The following PLEKHA7 variants were observed in gnomAD, a reference collection of about 807,000 sequenced individuals.
PLEKHA7 encodes pleckstrin homology domain-containing family A member 7.
PLEKHA7 carries 104 observed loss-of-function variants against 170.0 expected under a neutral mutation model. The ratio of observed to expected loss-of-function variants is 0.61; its 90% confidence interval spans 0.52 to 0.72. The LOEUF (loss-of-function observed/expected upper bound fraction) is 0.72. Ranked by LOEUF, PLEKHA7 falls within the 30% of genes least tolerant of loss-of-function variation. The pLI, the probability that PLEKHA7 is intolerant of heterozygous loss-of-function variation, is 0.00. For missense variants in PLEKHA7, 1,615 were observed against 1,671.7 expected, an observed-to-expected ratio of 0.97 and a Z score of 0.59; for synonymous variants, 648 against 660.8, an observed-to-expected ratio of 0.98 and a Z score of 0.30.
At chr11:16,879,126 GGA>G (rs952821757) in intron 3 of PLEKHA7, among the ~76,000 whole-genome samples, 4 of 152,174 alleles carry the variant, frequency 2.6e-5, no homozygotes, top group African/African-American at 9.7e-5. Context: ...GCGTGAACTG[GGA>G]GAGTGTTTTG....
intron 26 of PLEKHA7, among the ~76,000 whole-genome samples, chr11:16,779,493 C>T (rs1023644115): frequency 6.6e-6 from 1 of 152,218 alleles, no homozygotes; most frequent in Admixed American, 6.5e-5. Flanking sequence ...AACAGAACCT[C>T]TCTCCTGCCT....
intron 9 of PLEKHA7, among the ~76,000 whole-genome samples, chr11:16,835,964 G>A (rs571689586): frequency 4.6e-5 from 7 of 152,278 alleles, no homozygotes; most frequent in South Asian, 2.1e-4. Context: ...CTCAGTCCTC[G>A]CGGCCTGGAT....
intron 13 of PLEKHA7, among the ~76,000 whole-genome samples, chr11:16,806,121 C>A (rs953662159): frequency 6.6e-6 from 1 of 152,150 alleles, no homozygotes; most frequent in East Asian, 1.9e-4. Context: ...TGAAGAAATT[C>A]GGGCAATGTT....
At chr11:16,833,043 T>C (rs1851238395) in intron 9 of PLEKHA7, among the ~76,000 whole-genome samples, 1 of 152,220 alleles carries the variant, frequency 6.6e-6, no homozygotes, top group Non-Finnish European at 1.5e-5. Context: ...AATGAGTTCC[T>C]AGCATTTGAG....
intron 3 of PLEKHA7, among the ~76,000 whole-genome samples, chr11:16,901,640 C>T (rs7928314): frequency 0.022 from 3,282 of 152,164 alleles, 113 homozygotes; most frequent in African/African-American, 0.074. Flanking sequence ...AGGCCAAGGC[C>T]GGAAGATAGC....
At chr11:16,831,145 G>A (rs1590257418) in intron 9 of PLEKHA7, among the ~76,000 whole-genome samples, 1 of 152,158 alleles carries the variant, frequency 6.6e-6, no homozygotes, top group Admixed American at 6.6e-5. Flanking sequence ...ATGGCTCCCG[G>A]GACTTACATA....
intron 3 of PLEKHA7, among the ~76,000 whole-genome samples, chr11:16,950,520 A>G (rs1173434114): frequency 1.3e-5 from 2 of 151,110 alleles, no homozygotes; most frequent in Admixed American, 1.3e-4. Flanking sequence ...TTTTTTCATA[A>G]AAGGAAATCT....
intron 3 of PLEKHA7, among the ~76,000 whole-genome samples, chr11:16,984,114 T>C (rs907152038): frequency 6.6e-6 from 1 of 152,042 alleles, no homozygotes; most frequent in African/African-American, 2.4e-5. Context: ...AAACTACCAT[T>C]TAATGAGGGC....
chr11:16,934,115 G>A (rs181713997), intron 3 of PLEKHA7, among the ~76,000 whole-genome samples: 36 of 152,282 alleles, frequency 2.4e-4, no homozygotes, highest in Non-Finnish European at 4.0e-4. Flanking sequence ...CGTGCCTCCT[G>A]CCGGCTTGGG....
intron 3 of PLEKHA7, among the ~76,000 whole-genome samples, chr11:16,997,128 G>T (rs571087119): frequency 6.6e-6 from 1 of 152,062 alleles, no homozygotes; most frequent in African/African-American, 2.4e-5. Flanking sequence ...CTGGGCCAAG[G>T]TCATTTCTGT....
rs367816429 is a variant in PLEKHA7, at chr11:16,851,245, G to A, written c.642C>T (p.Tyr214=). 21 of 1,611,666 alleles carry A rather than the reference G, an allele frequency of 1.3e-5. No homozygotes were observed. The highest frequency in any genetic ancestry group is 5.0e-5 in the Admixed American group (3 of 59,756). The change falls in exon 8 of 27, where the codon TAC becomes TAT. Residue 214 remains tyrosine (Y), a synonymous_variant. Coordinates refer to ENST00000531066, the MANE Select transcript of PLEKHA7 (RefSeq NM_001329630.2). ...AVLGSIPLPS[Y]VISPVAPEDR... ...CCTCAGGGGCCACAGGAGAGATCAC[G>A]TAGCTGGGCAAGGGGATGCTCCCGA...
chr11:16,795,943 C>T (rs1848203831), intron 17 of PLEKHA7, among the ~76,000 whole-genome samples: 2 of 149,994 alleles, frequency 1.3e-5, no homozygotes, highest in African/African-American at 2.5e-5. Flanking sequence ...GCAACCTCCA[C>T]CTCCCAGGTT....
At chr11:16,788,752 TC>T (rs1849576252) in intron 23 of PLEKHA7, 2 of 370,656 alleles carry the variant, frequency 5.4e-6, no homozygotes, top group Non-Finnish European at 5.0e-6. Context: ...GTCACCATCT[TC>T]CTCCTCTCCT....
intron 10 of PLEKHA7, among the ~76,000 whole-genome samples, chr11:16,825,514 C>G (rs535130046): frequency 6.6e-6 from 1 of 152,354 alleles, no homozygotes; most frequent in South Asian, 2.1e-4. Flanking sequence ...AAGCTAGTGA[C>G]CCTGAATTCT....
Position 17,014,192 on chromosome 11 carries a change from G to A in PLEKHA7, c.96C>T (p.Leu32=), listed in dbSNP as rs761442827. ...DGRVFFINDQ[L]RCTTWLHPRT... Reference sequence around the variant, plus strand: ...GCGGATGCAGCCAGGTCGTGCAGCGGAGCTGGTCACTGCGGGCAGAGAGGT... The same window carrying A: ...GCGGATGCAGCCAGGTCGTGCAGCGAAGCTGGTCACTGCGGGCAGAGAGGT... The change falls in exon 2 of 27, where the codon CTC becomes CTT. Residue 32 remains leucine (L), a synonymous_variant. Coordinates refer to ENST00000531066, the MANE Select transcript of PLEKHA7 (RefSeq NM_001329630.2). 3.8e-5 allele frequency: 61 copies of A among 1,591,442 alleles called. No homozygotes were observed. The highest frequency in any genetic ancestry group is 9.7e-5 in the African/African-American group (7 of 72,516).
At chr11:16,809,714 G>T (rs997186602) in intron 13 of PLEKHA7, among the ~76,000 whole-genome samples, 16 of 152,328 alleles carry the variant, frequency 1.1e-4, no homozygotes, top group Middle Eastern at 3.4e-3. Context: ...GTGACGGGAA[G>T]TCCACCACCA....
chr11:16,812,836 C>T (rs559057518), intron 13 of PLEKHA7, among the ~76,000 whole-genome samples: 1 of 152,308 alleles, frequency 6.6e-6, no homozygotes, highest in South Asian at 2.1e-4. Flanking sequence ...TTTGGAGGGA[C>T]CTTTTTGTTC....
chr11:16,816,118 G>A (rs1849732430), intron 12 of PLEKHA7, 60 bp downstream of exon 12: 38 of 1,413,480 alleles, frequency 2.7e-5, no homozygotes, highest in Non-Finnish European at 3.7e-5. Context: ...TACTAACTCA[G>A]AGGAAGGAAA....
intron 19 of PLEKHA7, among the ~76,000 whole-genome samples, chr11:16,794,125 G>A (rs1848048186): frequency 1.3e-5 from 2 of 151,978 alleles, no homozygotes; most frequent in Admixed American, 1.3e-4. Context: ...CTGCAGGAGA[G>A]CCCCCTGCGG....
Sources: gnomAD v4.1 joint callset for allele counts (sites outside exome capture counted in the v4.1 genomes callset) on GRCh38, gnomAD v4.1.1 for gene constraint, MANE v1.5 for transcripts, NCBI Gene and HGNC (gene_info 2026-07-23, HGNC 2026-07-21) for gene names.